The following PEAK3 variants were observed in gnomAD, a reference collection of about 807,000 sequenced individuals.
PEAK3 encodes the protein protein PEAK3.
Under a neutral mutation model 13.3 loss-of-function variants are expected in PEAK3, and 15 were observed. The observed-to-expected ratio is 1.13, with a 90% CI of 0.75 to 1.73. The LOEUF is 1.73. Ranked by LOEUF, PEAK3 falls within the 40% of genes most tolerant of loss-of-function variation. PEAK3 has a pLI of 0.00. For synonymous variants in PEAK3, 347 were observed against 341.9 expected (o/e 1.01, Z -0.17); for missense variants, 739 against 690.2 (o/e 1.07, Z -0.79).
Position 2,276,081 on chromosome 19 carries a change from G to A in PEAK3, c.1021C>T (p.Pro341Ser), listed in dbSNP as rs1370264271. The A allele has an allele frequency of 2.7e-6, 4 of 1,486,152 alleles. No homozygotes were observed. Among genetic ancestry groups the A allele is most frequent in the African/African-American group, 1.4e-5 (1 of 70,380 alleles). The allele number at this position is 1,486,152 out of a possible 1,614,324, so 92.1% of individuals were successfully genotyped here. Residue 341 changes from proline (P) to serine (S), a missense_variant, in exon 4 of 4, where the codon CCC becomes TCC. Transcript: ENST00000342063. ...GCGTGGGGGCCCGGGGATCCCGGGG[G>A]TCCAGGGGGCTGCAGACAGACGCGG... ...FGRVCLQPPG[P>S]PGSPGPHAPQ...
rs1486836971 is a variant in PEAK3 at position 2,278,779 on chromosome 19, A to G, written c.417T>C (p.Ala139=). The G allele has an allele frequency of 7.7e-6, 12 of 1,567,796 alleles. No homozygotes were observed. The highest frequency in any genetic ancestry group is 8.7e-6 in the Non-Finnish European group (10 of 1,153,886). Residue 139 remains alanine (A), a synonymous_variant, in exon 3 of 4, where the codon GCT becomes GCC. Coordinates refer to ENST00000342063, the MANE Select transcript of PEAK3 (RefSeq NM_198532.3). ...HSPEAVHTAL[A]ARQLQGLRTI... ...TACGGAGGCCCTGCAGCTGCCGCGC[A>G]GCCAGTGCAGTGTGCACAGCCTCCG... is the stretch of plus-strand genomic sequence containing the variant.
chr19:2,280,818 C>T (rs368167267), intron 2 of PEAK3, 32 bp downstream of exon 2: 195 of 1,577,008 alleles, frequency 1.2e-4, no homozygotes, highest in Middle Eastern at 1.2e-3. Context: ...CCTGCACCCC[C>T]GCAGCCCAGG....
At position 2,280,887 on chromosome 19, in the gene PEAK3, G is replaced by T. The variant is rs772456363; in HGVS notation, c.45C>A (p.Asn15Lys). 6 of 1,600,922 alleles carry T rather than the reference G, an allele frequency of 3.7e-6. No homozygotes were observed. Among genetic ancestry groups the T allele is most frequent in the Non-Finnish European group, 5.1e-6 (6 of 1,173,730 alleles). ...ACGTGGGCTGAGTCGACCAGGTGGG[G>T]TTGTCGGGCTCGGGGGGCTCTGTGG... ...EPPTEPPEPDNPTWSTQPTYS... is the reference protein window; with the variant it reads ...EPPTEPPEPDKPTWSTQPTYS... Residue 15 changes from asparagine to lysine, a missense_variant, in exon 2 of 4, where the codon AAC becomes AAA. Physicochemically the swap from Asn to Lys is moderately conservative, Grantham distance 94 (BLOSUM62 0). Coordinates refer to ENST00000342063, the MANE Select transcript of PEAK3 (RefSeq NM_198532.3).
chr19:2,279,029 G>T lies in PEAK3; in HGVS notation c.167C>A (p.Pro56His), dbSNP rs2025418202. 6.5e-7 allele frequency: 1 copy of T among 1,533,678 alleles called. No homozygotes were observed. Among genetic ancestry groups the T allele is most frequent in the Non-Finnish European group, 8.8e-7 (1 of 1,134,702 alleles). Reference protein sequence around the residue: ...GSLSTNPEPLPPPLPKKILTR... With the variant: ...GSLSTNPEPLHPPLPKKILTR... ...TAGGATCTTCTTGGGCAGGGGTGGGGGCAGGGGCTCTGGGTTGGTGGAGAG... is the reference window on the plus strand; with the variant it reads ...TAGGATCTTCTTGGGCAGGGGTGGGTGCAGGGGCTCTGGGTTGGTGGAGAG... Residue 56 changes from proline (P) to histidine (H), a missense_variant, in exon 3 of 4, where the codon CCC becomes CAC. Transcript: ENST00000342063.
In PEAK3 at chr19:2,276,181, C is replaced by G. The variant is rs764019716; in HGVS notation, c.921G>C (p.Pro307=). ...AWGAALVELR[P]ENLLLVAPRG... is the part of the protein sequence containing the mutation. Reference sequence around the variant, plus strand: ...GAGGTGCCACCAGCAGCAAGTTCTCCGGCCGCAACTCGACTAGGGCCGCGC... The same window carrying G: ...GAGGTGCCACCAGCAGCAAGTTCTCGGGCCGCAACTCGACTAGGGCCGCGC... The change falls in exon 4 of 4, where the codon CCG becomes CCC. Residue 307 remains proline (P), a synonymous_variant. Transcript: ENST00000342063. 1.3e-6 allele frequency: 2 copies of G among 1,550,510 alleles called. No individual in the cohort carries two copies. Among genetic ancestry groups the G allele is most frequent in the South Asian group, 2.4e-5 (2 of 84,792 alleles).
At position 2,275,707 on chromosome 19, in the gene PEAK3, G is replaced by A; in HGVS notation, c.1395C>T (p.Gly465=). 1 of 1,531,294 alleles carries A rather than the reference G, an allele frequency of 6.5e-7. No homozygotes were observed. Among genetic ancestry groups the A allele is most frequent in the Non-Finnish European group, 8.8e-7 (1 of 1,138,570 alleles). 94.9% of individuals were successfully genotyped at this position (1,531,294 alleles called of 1,614,324 possible). The change falls in exon 4 of 4, where the codon GGC becomes GGT. Residue 465 remains glycine, a synonymous_variant. Coordinates refer to ENST00000342063, the MANE Select transcript of PEAK3 (RefSeq NM_198532.3). ...YLAEATESSM[G]QALALLWD ...AGTCCCACAGCAGCGCCAGGGCCTG[G>A]CCCATCGAGGACTCGGTGGCCTCGG...
intron 1 of PEAK3, among the ~76,000 whole-genome samples, chr19:2,281,686 GTTTCCT>G (rs2025439870): frequency 6.7e-6 from 1 of 148,604 alleles, no homozygotes; most frequent in East Asian, 2.0e-4. Flanking sequence ...TCCCGAGTGG[GTTTCCT>G]ACTCTCTCTG....
At chr19:2,281,619 G>C (rs80103994) in intron 1 of PEAK3, among the ~76,000 whole-genome samples, 3 of 111,086 alleles carry the variant, frequency 2.7e-5, no homozygotes, top group Non-Finnish European at 3.7e-5. Flanking sequence ...CCTCTCTGGG[G>C]CCCTGCTGTG....
intron 3 of PEAK3, 74 bp from the exon 4 acceptor site, chr19:2,276,563 G>T: frequency 1.5e-6 from 2 of 1,310,248 alleles, no homozygotes; most frequent in Non-Finnish European, 2.0e-6. Context: ...AGTGCTACCT[G>T]CCCCGAAGCC....
chr19:2,280,947 T>A lies in PEAK3; in HGVS notation c.-4-12A>T. ...GGCTGCTCATGTTGCTGGGGAAAGG[T>A]CAAACGGGGCGTGTGTGGGGTGACC... On this transcript the variant is annotated splice_polypyrimidine_tract_variant and intron_variant, in intron 1 of 3. Transcript: ENST00000342063. 1 of 1,527,444 alleles carries A rather than the reference T, an allele frequency of 6.5e-7. No homozygotes were observed. Among genetic ancestry groups the A allele is most frequent in the Non-Finnish European group, 8.8e-7 (1 of 1,129,998 alleles). 94.6% of individuals were successfully genotyped at this position (1,527,444 alleles called of 1,614,324 possible). A position where few individuals can be genotyped will look rare whatever the true frequency, so the allele number is the denominator to read the frequency against.
In PEAK3 at chr19:2,276,335, T is replaced by G. The variant is rs2025389221; in HGVS notation, c.767A>C (p.Glu256Ala). The G allele has an allele frequency of 1.3e-6, 2 of 1,598,942 alleles. No homozygotes were observed. The highest frequency in any genetic ancestry group is 1.7e-5 in the Admixed American group (1 of 59,842). Residue 256 changes from glutamate to alanine, a missense_variant, in exon 4 of 4, where the codon GAG becomes GCG. Physicochemically the swap from Glu to Ala is moderately radical, Grantham distance 107. Transcript: ENST00000342063. ...CTGCGCCACCGTGCGCTCTGGAACC[T>G]CGGCTGCCAGCGCCACTGCGCCTCT... ...PWRGAVALAA[E>A]VPERTVAQWL...
At position 2,278,593 on chromosome 19, in the gene PEAK3, C is replaced by G. The variant is rs2025412176; in HGVS notation, c.603G>C (p.Leu201=). The G allele has an allele frequency of 6.8e-7, 1 of 1,478,838 alleles. No homozygotes were observed. Among genetic ancestry groups the G allele is most frequent in the African/African-American group, 1.4e-5 (1 of 70,846 alleles). 91.6% of individuals were successfully genotyped at this position (1,478,838 alleles called of 1,614,324 possible). A position where few individuals can be genotyped will look rare whatever the true frequency, so the allele number is the denominator to read the frequency against. ...VRAHEDAWHI[L]VAKVPKPGAD... is the part of the protein sequence containing the mutation. ...GGGCTGTGGGGCTCACCTTGGCGAC[C>G]AGGATGTGCCAGGCGTCCTCGTGCG... Residue 201 remains leucine (L), a synonymous_variant, in exon 3 of 4, where the codon CTG becomes CTC. Coordinates refer to ENST00000342063, the MANE Select transcript of PEAK3 (RefSeq NM_198532.3).
At chr19:2,278,497 CAGAA>C (rs1426743629) in intron 3 of PEAK3, 83 bp downstream of exon 3, 40 of 1,338,204 alleles carry the variant, frequency 3.0e-5, no homozygotes, top group South Asian at 8.9e-5. Context: ...AACTGACTCA[CAGAA>C]AGGCCAAATG....
Position 2,275,540 on chromosome 19 carries a change from G to C in PEAK3, c.*140C>G, listed in dbSNP as rs997854733. 2 of 729,082 alleles carry C rather than the reference G, an allele frequency of 2.7e-6. No homozygotes were observed. Among genetic ancestry groups the C allele is most frequent in the Non-Finnish European group, 3.9e-6 (2 of 518,524 alleles). The allele number at this position is 729,082 out of a possible 1,614,324, so 45.2% of individuals were successfully genotyped here. On this transcript the variant is annotated 3_prime_UTR_variant, in exon 4 of 4. Transcript: ENST00000342063. ...TCCCCAGCACGGGAGGGGAGGCTCT[G>C]GAGTGGGGCATTGCTCTCTCTGCTG...
Position 2,275,552 on chromosome 19 carries a change from T to C in PEAK3, c.*128A>G. ...GAGGGGAGGCTCTGGAGTGGGGCAT[T>C]GCTCTCTCTGCTGCGCTCCTGGACT... On this transcript the variant is annotated 3_prime_UTR_variant, in exon 4 of 4. Coordinates refer to ENST00000342063, the MANE Select transcript of PEAK3 (RefSeq NM_198532.3). 1.2e-6 allele frequency: 1 copy of C among 850,662 alleles called. No individual in the cohort carries two copies. Among genetic ancestry groups the C allele is most frequent in the Non-Finnish European group, 1.6e-6 (1 of 627,122 alleles). The allele number at this position is 850,662 out of a possible 1,614,324, so 52.7% of individuals were successfully genotyped here. A position where few individuals can be genotyped will look rare whatever the true frequency, so the allele number is the denominator to read the frequency against.
intron 2 of PEAK3, 56 bp downstream of exon 2, chr19:2,280,773 ACCCACCTGCCGCTCCCTGCAC>A (rs1568409249): frequency 1.9e-6 from 2 of 1,033,680 alleles, no homozygotes; most frequent in African/African-American, 3.3e-5. Context: ...CGCTCCCTGC[ACCCACCTGCCGCTCCCTGCAC>A]CCCCCTGCCG....
chr19:2,281,000 G>A (rs2025434525), intron 1 of PEAK3, 65 bp from the exon 2 acceptor site: 2 of 1,111,402 alleles, frequency 1.8e-6, no homozygotes, highest in Non-Finnish European at 2.6e-6. Flanking sequence ...GACATGGGGA[G>A]GGGTCCGTGA....
In PEAK3 at chr19:2,282,100, G is replaced by A. The variant is rs947083387; in HGVS notation, c.-18C>T. On this transcript the variant is annotated 5_prime_UTR_variant, in exon 1 of 4. It adds an upstream start codon to the 5' untranslated region. Coordinates refer to ENST00000342063, the MANE Select transcript of PEAK3 (RefSeq NM_198532.3). ...GGAGCCCCCTACCTTCAAGACTGGC[G>A]TGCCCTCTGGGGGAGGAGGGGTCCG... The A allele has an allele frequency of 6.5e-5, 10 of 152,726 alleles. No individual in the cohort carries two copies. The highest frequency in any genetic ancestry group is 9.7e-5 in the African/African-American group (4 of 41,446). 9.5% of individuals were successfully genotyped at this position (152,726 alleles called of 1,614,324 possible).
At chr19:2,277,341 T>G (rs1309251431) in intron 3 of PEAK3, among the ~76,000 whole-genome samples, 1 of 152,034 alleles carries the variant, frequency 6.6e-6, no homozygotes, top group Non-Finnish European at 1.5e-5. Flanking sequence ...TCTCGTGAGA[T>G]CTGGCTGTGT....
Sources: gnomAD v4.1 joint callset for allele counts (sites outside exome capture counted in the v4.1 genomes callset) on GRCh38, gnomAD v4.1.1 for gene constraint, MANE v1.5 for transcripts, NCBI Gene and HGNC (gene_info 2026-07-23, HGNC 2026-07-21) for gene names.